Variants in NAV3 observed in about 807,000 individuals in gnomAD.
NAV3 encodes the protein pore membrane and/or filament interacting like protein 1.
NAV3 carries 87 observed loss-of-function variants against 244.7 expected under a neutral mutation model. The ratio of observed to expected loss-of-function variants is 0.36; its 90% CI spans 0.30 to 0.42. The LOEUF (loss-of-function observed/expected upper bound fraction) is 0.42, where lower values mean the gene tolerates loss of function less well. NAV3 is among the 20% of genes least tolerant of loss of function. The pLI, the probability that NAV3 is intolerant of heterozygous loss-of-function variation, is 1.00. For synonymous variants in NAV3, 1,126 were observed against 1,042.2 expected (o/e 1.08, Z -1.55); for missense variants, 2,663 against 2,893.3 (o/e 0.92, Z 1.83).
intron 1 of NAV3, among the ~76,000 whole-genome samples, chr12:77,925,401 GTTTTTA>G (rs1176300961): frequency 3.3e-5 from 5 of 151,984 alleles, no homozygotes; most frequent in African/African-American, 7.3e-5. Flanking sequence ...CATGTTTTCT[GTTTTTA>G]TTTTTATTTT....
chr12:78,117,614 T>A (rs562274638), intron 13 of NAV3, among the ~76,000 whole-genome samples: 200 of 151,370 alleles, frequency 1.3e-3, no homozygotes, highest in Non-Finnish European at 2.3e-3. Flanking sequence ...TCGATATGTT[T>A]GTTTAAAAAT....
intron 6 of NAV3, among the ~76,000 whole-genome samples, chr12:77,998,093 G>C (rs1872661012): frequency 6.6e-6 from 1 of 152,112 alleles, no homozygotes; most frequent in African/African-American, 2.4e-5. Context: ...TTTTAGTTAA[G>C]ATTTATTTTA....
At chr12:77,646,567 T>C (rs527403526) in intron 2 of NAV3, among the ~76,000 whole-genome samples, 1 of 152,184 alleles carries the variant, frequency 6.6e-6, no homozygotes, top group Admixed American at 6.6e-5. Flanking sequence ...TTGAACAAAG[T>C]CTAGGCCTTA....
At chr12:77,942,286 C>A (rs537352120) in intron 3 of NAV3, among the ~76,000 whole-genome samples, 1 of 151,942 alleles carries the variant, frequency 6.6e-6, no homozygotes, top group Non-Finnish European at 1.5e-5. Flanking sequence ...GCAGGAGAAT[C>A]GCTTGAACCA....
chr12:78,014,233 A>G (rs1365229499), intron 8 of NAV3, among the ~76,000 whole-genome samples: 1 of 152,134 alleles, frequency 6.6e-6, no homozygotes, highest in East Asian at 1.9e-4. Context: ...TTTGAAGTCT[A>G]CATTCTTTCT....
chr12:78,070,068 A>G (rs1952679409), intron 12 of NAV3, among the ~76,000 whole-genome samples: 1 of 152,154 alleles, frequency 6.6e-6, no homozygotes, highest in Admixed American at 6.6e-5. Context: ...TTTACAGAAC[A>G]AAACTCTATC....
intron 2 of NAV3, among the ~76,000 whole-genome samples, chr12:77,768,822 T>A (rs955763929): frequency 4.6e-5 from 7 of 152,324 alleles, no homozygotes; most frequent in South Asian, 4.1e-4. Context: ...CCATGGAGTG[T>A]GCAACCCTGG....
At chr12:77,991,130 A>G (rs1240182951) in intron 5 of NAV3, among the ~76,000 whole-genome samples, 6 of 151,952 alleles carry the variant, frequency 3.9e-5, no homozygotes, top group Non-Finnish European at 8.8e-5. Context: ...GGTTCAAGCA[A>G]TTCTCCTGCC....
intron 2 of NAV3, among the ~76,000 whole-genome samples, chr12:77,582,065 A>G (rs564820401): frequency 3.3e-5 from 5 of 152,312 alleles, no homozygotes; most frequent in Admixed American, 1.3e-4. Context: ...TTACGTCCAC[A>G]TGAGGGACAG....
chr12:78,084,093 C>G (rs368100497), intron 12 of NAV3, among the ~76,000 whole-genome samples: 148 of 152,312 alleles, frequency 9.7e-4, no homozygotes, highest in African/African-American at 3.2e-3. Context: ...CTAGTAATCT[C>G]AAGTGGACTA....
chr12:78,143,249 C>T (rs1593767672), intron 20 of NAV3: 3 of 386,778 alleles, frequency 7.8e-6, no homozygotes, highest in African/African-American at 2.2e-5. Context: ...CATTTGTCTC[C>T]GGATGTCTGC....
At chr12:78,088,036 A>ATG (rs1053938492) in intron 12 of NAV3, among the ~76,000 whole-genome samples, 10 of 148,866 alleles carry the variant, frequency 6.7e-5, no homozygotes, top group Non-Finnish European at 1.5e-4. Context: ...GTTTCTTCAT[A>ATG]TATATATATA....
chr12:78,114,726 G>A (rs539886960), intron 12 of NAV3, among the ~76,000 whole-genome samples: 2 of 152,252 alleles, frequency 1.3e-5, no homozygotes, highest in African/African-American at 4.8e-5. Flanking sequence ...TGTCAGTCAT[G>A]ATATGAGAAA....
chr12:77,655,331 C>A (rs1235046789), intron 2 of NAV3, among the ~76,000 whole-genome samples: 1 of 152,044 alleles, frequency 6.6e-6, no homozygotes, highest in Admixed American at 6.5e-5. Context: ...GGAGCCGATG[C>A]AATCAACTGG....
intron 8 of NAV3, 97 bp downstream of exon 8, chr12:78,007,542 C>T (rs796709931): frequency 3.1e-6 from 4 of 1,303,872 alleles, no homozygotes; most frequent in Admixed American, 2.5e-5. Flanking sequence ...TGCTTTATGT[C>T]GTCATTTTGG....
chr12:77,736,895 T>C (rs1463852133), intron 2 of NAV3, among the ~76,000 whole-genome samples: 2 of 152,154 alleles, frequency 1.3e-5, no homozygotes, highest in African/African-American at 4.8e-5. Context: ...CTGTGGAGAA[T>C]GGATTTCAGA....
intron 12 of NAV3, among the ~76,000 whole-genome samples, chr12:78,107,212 A>G (rs1954847355): frequency 6.6e-6 from 1 of 152,236 alleles, no homozygotes; most frequent in Non-Finnish European, 1.5e-5. Context: ...AGACAAAATT[A>G]AAAGAGAATA....
At chr12:77,718,532 T>A (rs1380164251) in intron 2 of NAV3, among the ~76,000 whole-genome samples, 1 of 152,200 alleles carries the variant, frequency 6.6e-6, no homozygotes, top group Non-Finnish European at 1.5e-5. Flanking sequence ...TTGTTTTTCT[T>A]GCTCTATATT....
intron 1 of NAV3, among the ~76,000 whole-genome samples, chr12:77,835,585 C>T (rs1402317): frequency 0.68 from 103,530 of 152,060 alleles, 40,274 homozygotes; most frequent in Non-Finnish European, 0.88. Context: ...TTTCACATCC[C>T]ATAACTTGCC....
Sources: allele counts gnomAD v4.1 joint callset (sites outside exome capture counted in the v4.1 genomes callset), GRCh38; gene constraint gnomAD v4.1.1; transcripts MANE v1.5; gene names NCBI Gene and HGNC (gene_info 2026-07-23, HGNC 2026-07-21).